The following COLGALT1 variants were observed in gnomAD, a reference collection of about 807,000 sequenced individuals.
COLGALT1 encodes the protein procollagen galactosyltransferase 1.
A neutral mutation model predicts 60.8 loss-of-function variants in COLGALT1; 43 were observed. The observed-to-expected ratio is 0.71, with a 90% confidence interval of 0.55 to 0.91. COLGALT1 has a LOEUF of 0.91. Ranked by LOEUF, COLGALT1 falls within the 40% of genes least tolerant of loss-of-function variation. The pLI, the probability that COLGALT1 is intolerant of heterozygous loss-of-function variation, is 0.00. For synonymous variants in COLGALT1, 369 were observed against 374.2 expected (o/e 0.99, Z 0.16); for missense variants, 845 against 880.0 (o/e 0.96, Z 0.50).
Position 17,579,595 on chromosome 19 carries a change from G to A in COLGALT1, c.1380G>A (p.Leu460=). 1 of 1,613,446 alleles carries A rather than the reference G, an allele frequency of 6.2e-7. No homozygotes were observed. Among genetic ancestry groups the A allele is most frequent in the South Asian group, 1.1e-5 (1 of 91,048 alleles). ...NLMRDVEREG[L]DWDLIYVGRK... ...TGCGGGATGTGGAGCGGGAGGGCCTGGACTGGGACCTCATGTGAGTGGGGG... is the reference window on the plus strand; with the variant it reads ...TGCGGGATGTGGAGCGGGAGGGCCTAGACTGGGACCTCATGTGAGTGGGGG... Residue 460 remains leucine, a synonymous_variant, in exon 10 of 12, where the codon CTG becomes CTA. Transcript: ENST00000252599.
intron 1 of COLGALT1, 55 bp from the exon 2 acceptor site, chr19:17,559,256 T>C (rs2076233805): frequency 7.5e-7 from 1 of 1,329,848 alleles, no homozygotes; most frequent in Non-Finnish European, 1.1e-6. Flanking sequence ...GCCTCACTGC[T>C]GCCTGGTCCT....
Position 17,567,460 on chromosome 19 carries a change from G to T in COLGALT1, c.544G>T (p.Ala182Ser). The stretch of plus-strand genomic sequence containing the variant: ...CCCTGACACACTGAGCCTGCTCATC[G>T]CTGAGAACAAGACGGTGGTCGCCCC... The part of the protein sequence containing the change: ...LNPDTLSLLI[A>S]ENKTVVAPML... Residue 182 changes from alanine (A) to serine (S), a missense_variant, in exon 4 of 12, where the codon GCT (alanine) becomes TCT (serine). By Grantham distance (99) the Ala-to-Ser change is moderately conservative. Transcript: ENST00000252599. 1.2e-6 allele frequency: 2 copies of T among 1,614,068 alleles called. No homozygotes were observed. Among genetic ancestry groups the T allele is most frequent in the Non-Finnish European group, 1.7e-6 (2 of 1,179,956 alleles).
chr19:17,580,901 C>G lies in COLGALT1; in HGVS notation c.1597C>G (p.Pro533Ala), dbSNP rs2076377037. ...CCTGCCCGTCATGTTCGACAAACAC[C>G]CAGTGTGAGAGGGGCAGGCGGCTGC... ...EFLPVMFDKHPVSEYKAHFSL... is the reference protein window; with the variant it reads ...EFLPVMFDKHAVSEYKAHFSL... The change falls in exon 11 of 12, where the codon CCA becomes GCA. Residue 533 changes from proline (P) to alanine (A), a missense_variant. By Grantham distance (27) the Pro-to-Ala change is conservative. Coordinates refer to ENST00000252599, the MANE Select transcript of COLGALT1 (RefSeq NM_024656.4). 6.2e-7 allele frequency: 1 copy of G among 1,613,702 alleles called. No homozygotes were observed. Among genetic ancestry groups the G allele is most frequent in the African/African-American group, 1.3e-5 (1 of 74,984 alleles).
rs1391119838 is a variant in COLGALT1, at chr19:17,577,205, G to A, written c.960G>A (p.Pro320=). 23 of 1,613,054 alleles carry A rather than the reference G, an allele frequency of 1.4e-5. No individual in the cohort carries two copies. Among genetic ancestry groups the A allele is most frequent in the Non-Finnish European group, 1.9e-5 (23 of 1,179,576 alleles). The change falls in exon 7 of 12, where the codon CCG becomes CCA. Residue 320 remains proline, a synonymous_variant. Transcript: ENST00000252599. ...GTCTGTGCCCCACAGTGAAGCACCCGCCCGCAGAGCCCTCCCGCTTCATCT... is the reference window on the plus strand; with the variant it reads ...GTCTGTGCCCCACAGTGAAGCACCCACCCGCAGAGCCCTCCCGCTTCATCT... The part of the protein sequence containing the change: ...HVQLEVMVKH[P]PAEPSRFISA...
In COLGALT1 at chr19:17,560,232, A is replaced by G. The variant is rs1160758954; in HGVS notation, c.372-116A>G. The stretch of plus-strand genomic sequence containing the variant: ...TTTACTTTTTCCCATCCCTCAGATC[A>G]GCTTACACGTCCCCTCCTCCAGGAA... On this transcript the variant is annotated intron_variant, in intron 2 of 11. Transcript: ENST00000252599. The G allele has an allele frequency of 4.2e-6, 3 of 709,122 alleles. No homozygotes were observed. The East Asian group carries it at 7.8e-5, about 19-fold the overall frequency. The allele number at this position is 709,122 out of a possible 1,614,324, so 43.9% of individuals were successfully genotyped here. A position where few individuals can be genotyped will look rare whatever the true frequency, so the allele number is the denominator to read the frequency against.
chr19:17,569,487 G>C (rs1310526142), intron 5 of COLGALT1, among the ~76,000 whole-genome samples: 1 of 150,940 alleles, frequency 6.6e-6, no homozygotes, highest in East Asian at 1.9e-4. Context: ...ACCTAGGCTA[G>C]AGTGCAGTGG....
chr19:17,577,933 T>A, intron 8 of COLGALT1, 24 bp from the exon 9 acceptor site: 1 of 1,588,052 alleles, frequency 6.3e-7, no homozygotes, highest in Non-Finnish European at 8.6e-7. Context: ...ACCTTCTTCG[T>A]GACCCTCTCC....
At chr19:17,565,525 G>T (rs2076275271) in intron 3 of COLGALT1, among the ~76,000 whole-genome samples, 1 of 151,722 alleles carries the variant, frequency 6.6e-6, no homozygotes, top group Non-Finnish European at 1.5e-5. Context: ...AATTATCTGG[G>T]CATGGTGGTG....
At chr19:17,569,492 C>T (rs1412359927) in intron 5 of COLGALT1, among the ~76,000 whole-genome samples, 1 of 151,308 alleles carries the variant, frequency 6.6e-6, no homozygotes, top group Non-Finnish European at 1.5e-5. Context: ...GGCTAGAGTG[C>T]AGTGGTGCGA....
chr19:17,557,343 C>T (rs1174472014), intron 1 of COLGALT1, among the ~76,000 whole-genome samples: 3 of 152,140 alleles, frequency 2.0e-5, no homozygotes, highest in African/African-American at 7.2e-5. Context: ...GCTCTGTCGC[C>T]CAGGCTGGAG....
In COLGALT1 at chr19:17,555,962, C is replaced by T; in HGVS notation, c.249C>T (p.Arg83=). 7.3e-7 allele frequency: 1 copy of T among 1,378,036 alleles called. No individual in the cohort carries two copies. The highest frequency in any genetic ancestry group is 9.4e-7 in the Non-Finnish European group (1 of 1,065,808). The allele number at this position is 1,378,036 out of a possible 1,614,324, so 85.4% of individuals were successfully genotyped here. A position where few individuals can be genotyped will look rare whatever the true frequency, so the allele number is the denominator to read the frequency against. Residue 83 remains arginine (R), a synonymous_variant, in exon 1 of 12, where the codon CGC becomes CGT. Transcript: ENST00000252599. The part of the protein sequence containing the change: ...ALERLRHPRE[R]TALWVATDHN... ...AGCGGCTGCGGCACCCGCGGGAGCG[C>T]ACGGCGCTATGGTGAGTCGAGCCCG...
In COLGALT1 at chr19:17,569,001, G is replaced by A. The variant is rs1042774212; in HGVS notation, c.829+288G>A. On this transcript the variant is annotated intron_variant, in intron 5 of 11. Transcript: ENST00000252599. ...CCCAACAATTTGGCAGGCTAAGGCG[G>A]GTGGATCATTTGAGGTCAGGAGTTT... is the stretch of plus-strand genomic sequence containing the variant. Among the ~76,000 whole-genome samples the A allele has an allele frequency of 2.0e-5, 3 of 152,130 alleles. No homozygotes were observed. The East Asian group carries it at 5.8e-4, about 29-fold the overall frequency.
chr19:17,556,145 G>GC (rs1334469924), intron 1 of COLGALT1, among the ~76,000 whole-genome samples, 172 bp downstream of exon 1: 7 of 152,086 alleles, frequency 4.6e-5, no homozygotes, highest in Admixed American at 2.6e-4. Flanking sequence ...CCTGCCCGCT[G>GC]CCCCCATCGG....
chr19:17,558,423 A>G (rs369356848), intron 1 of COLGALT1, among the ~76,000 whole-genome samples: 1 of 148,652 alleles, frequency 6.7e-6, no homozygotes, highest in East Asian at 2.1e-4. Flanking sequence ...CATTCCTGTC[A>G]TCCCAGCACT....
Position 17,555,875 on chromosome 19 carries a change from G to A in COLGALT1, c.162G>A (p.Val54=), listed in dbSNP as rs1369999312. 7 of 1,383,674 alleles carry A rather than the reference G, an allele frequency of 5.1e-6. No homozygotes were observed. The highest frequency in any genetic ancestry group is 4.5e-5 in the South Asian group (3 of 66,124). The allele number at this position is 1,383,674 out of a possible 1,614,324, so 85.7% of individuals were successfully genotyped here. Reference sequence around the variant, plus strand: ...AGTCGCCCCTGCAGGCGCCGCGCGTGCTCATCGCGCTGTTGGCGCGAAACG... The same window carrying A: ...AGTCGCCCCTGCAGGCGCCGCGCGTACTCATCGCGCTGTTGGCGCGAAACG... ...SPESPLQAPR[V]LIALLARNAA... The change falls in exon 1 of 12, where the codon GTG becomes GTA. Residue 54 remains valine, a synonymous_variant. Transcript: ENST00000252599.
intron 2 of COLGALT1, 28 bp from the exon 3 acceptor site, chr19:17,560,320 T>A: frequency 1.3e-6 from 2 of 1,589,052 alleles, no homozygotes. Flanking sequence ...TGCCTTGTGA[T>A]GTCCACATCA....
At chr19:17,563,714 C>T (rs1406383768) in intron 3 of COLGALT1, among the ~76,000 whole-genome samples, 1 of 152,062 alleles carries the variant, frequency 6.6e-6, no homozygotes, top group East Asian at 1.9e-4. Flanking sequence ...TGATCTCGAA[C>T]TCCTGACTTC....
chr19:17,576,277 C>T (rs1033579241), intron 6 of COLGALT1, among the ~76,000 whole-genome samples: 6 of 152,042 alleles, frequency 3.9e-5, no homozygotes, highest in East Asian at 3.9e-4. Context: ...TGCTGGGGCC[C>T]AGAGGAGGTG....
At chr19:17,576,180 C>T (rs1335422716) in intron 6 of COLGALT1, among the ~76,000 whole-genome samples, 2 of 152,148 alleles carry the variant, frequency 1.3e-5, no homozygotes, top group Admixed American at 6.6e-5. Flanking sequence ...ACCTGGTGTC[C>T]TTCCCAAAGG....
Sources: gnomAD v4.1 joint callset for allele counts (sites outside exome capture counted in the v4.1 genomes callset) on GRCh38, gnomAD v4.1.1 for gene constraint, MANE v1.5 for transcripts, NCBI Gene and HGNC (gene_info 2026-07-23, HGNC 2026-07-21) for gene names.